SGCD: variants seen among roughly 807,000 people sequenced by gnomAD.
SGCD encodes the protein sarcoglycan delta.
A neutral mutation model predicts 36.6 loss-of-function variants in SGCD; 18 were observed. The observed-to-expected ratio is 0.49, with a 90% CI of 0.34 to 0.73. The LOEUF is 0.73. Ranked by LOEUF, SGCD falls within the 30% of genes least tolerant of loss-of-function variation. SGCD has a pLI of 0.01. For synonymous variants in SGCD, 133 were observed against 130.6 expected, an observed-to-expected ratio of 1.02 and a Z score of -0.12; for missense variants, 387 against 346.7, an observed-to-expected ratio of 1.12 and a Z score of -0.92.
At chr5:156,061,836 T>A (rs1189408129) in intron 1 of SGCD, among the ~76,000 whole-genome samples, 2 of 144,986 alleles carry the variant, frequency 1.4e-5, no homozygotes, top group Non-Finnish European at 3.1e-5. Flanking sequence ...TTCCTCCAAG[T>A]TACATTAATA....
chr5:156,120,655 A>G (rs1762015932), intron 2 of SGCD, among the ~76,000 whole-genome samples: 1 of 152,186 alleles, frequency 6.6e-6, no homozygotes, highest in Non-Finnish European at 1.5e-5. Flanking sequence ...AAGCATTGTA[A>G]CTATTTATTA....
rs556890124 is a variant in SGCD, at chr5:156,409,907, C to G, written c.192+65230C>G. On this transcript the variant is annotated intron_variant, in intron 3 of 8. Transcript: ENST00000337851. ...TTATTTTTCTTTCCTCCAGTCTTCT[C>G]CATCCAATACCACAGAAACCCTGTA... Among the ~76,000 whole-genome samples the G allele has an allele frequency of 1.4e-4, 22 of 152,218 alleles. No homozygotes were observed. In the South Asian group the frequency reaches 2.7e-3, roughly 19 times the overall value.
At chr5:155,866,680 A>G (rs1036643992), upstream of SGCD, among the ~76,000 whole-genome samples, 7 of 152,158 alleles carry the variant, frequency 4.6e-5, no homozygotes, top group African/African-American at 1.7e-4. Flanking sequence ...TTTCTCCTAC[A>G]CTGGTTCTTC....
chr5:156,718,297 T>A (rs1319207163), intron 7 of SGCD, among the ~76,000 whole-genome samples: 2 of 152,098 alleles, frequency 1.3e-5, no homozygotes, highest in Non-Finnish European at 2.9e-5. Flanking sequence ...TCAAGCTGAA[T>A]CCATTAGTAG....
chr5:156,132,561 T>C (rs1308518431), intron 3 of SGCD, among the ~76,000 whole-genome samples: 1 of 145,260 alleles, frequency 6.9e-6, no homozygotes, highest in Non-Finnish European at 1.5e-5. Context: ...CTCCGCCTCT[T>C]GGGTTCATGC....
intron 1 of SGCD, among the ~76,000 whole-genome samples, chr5:155,911,754 A>G (rs1217696180): frequency 2.6e-5 from 4 of 152,108 alleles, no homozygotes; most frequent in African/African-American, 4.8e-5. Flanking sequence ...AAAGTATTTC[A>G]TTGTCAAGGA....
In SGCD at chr5:156,694,621, T is replaced by C. The variant is rs192622188; in HGVS notation, c.575+47085T>C. ...CTTAAAACCAGACCCTGGTACTTTG[T>C]TTTTAAAGCTATTTCCTAAATACAA... On this transcript the variant is annotated intron_variant, in intron 7 of 8. Transcript: ENST00000337851. Among the ~76,000 whole-genome samples the C allele has an allele frequency of 1.8e-3, 277 of 152,320 alleles. 2 individuals are homozygous for C. Among genetic ancestry groups the C allele is most frequent in the African/African-American group, 6.2e-3 (256 of 41,574 alleles).
chr5:156,525,667 T>C (rs1295376467), intron 4 of SGCD, among the ~76,000 whole-genome samples: 1 of 152,094 alleles, frequency 6.6e-6, no homozygotes, highest in Non-Finnish European at 1.5e-5. Flanking sequence ...ACCAATGTCA[T>C]AGAGCTTTGC....
chr5:156,673,068 C>A (rs558724228), intron 7 of SGCD, among the ~76,000 whole-genome samples: 8 of 152,296 alleles, frequency 5.3e-5, no homozygotes, highest in African/African-American at 1.9e-4. Context: ...TGTCTTCCAC[C>A]TTTGCCATTG....
chr5:156,566,695 G>T (rs1759491753), intron 4 of SGCD, among the ~76,000 whole-genome samples: 1 of 151,966 alleles, frequency 6.6e-6, no homozygotes, highest in South Asian at 2.1e-4. Context: ...GACTTTCCAT[G>T]AATACATGAC....
chr5:155,784,460 C>T, the SGCD span, among the ~76,000 whole-genome samples: 435 of 152,114 alleles, frequency 2.9e-3, 2 homozygotes, highest in African/African-American at 9.3e-3. Flanking sequence ...TGAGGAGTCC[C>T]TGAGATATTT....
intron 6 of SGCD, among the ~76,000 whole-genome samples, chr5:156,606,060 T>C (rs530685125): frequency 6.6e-6 from 1 of 152,326 alleles, no homozygotes; most frequent in South Asian, 2.1e-4. Context: ...TTAGATCCCA[T>C]TTGTCAATTT....
At chr5:155,984,282 A>G (rs1219486245) in intron 1 of SGCD, among the ~76,000 whole-genome samples, 1 of 152,216 alleles carries the variant, frequency 6.6e-6, no homozygotes, top group African/African-American at 2.4e-5. Context: ...ACTGAGCCTT[A>G]GGATAAATCA....
At chr5:155,850,820 T>C in the SGCD span, among the ~76,000 whole-genome samples, 1 of 152,202 alleles carries the variant, frequency 6.6e-6, no homozygotes, top group Admixed American at 6.5e-5. Context: ...GATACAAAGA[T>C]GCATGAGACA....
the SGCD span, among the ~76,000 whole-genome samples, chr5:155,728,153 G>A: frequency 6.6e-6 from 1 of 152,108 alleles, no homozygotes; most frequent in Non-Finnish European, 1.5e-5. Context: ...TCTAACGCGC[G>A]ACTGTGCAGC....
At chr5:156,121,386 G>C (rs1353116503) in intron 2 of SGCD, among the ~76,000 whole-genome samples, 1 of 152,104 alleles carries the variant, frequency 6.6e-6, no homozygotes, top group African/African-American at 2.4e-5. Context: ...AAAGAAATAT[G>C]ATACTTAGAG....
intron 3 of SGCD, among the ~76,000 whole-genome samples, chr5:156,501,281 C>T (rs554059773): frequency 2.2e-4 from 33 of 152,248 alleles, no homozygotes; most frequent in Non-Finnish European, 4.0e-4. Context: ...TTATAAAAGA[C>T]AGGAAACCCC....
chr5:156,512,191 CAAAAAAAAAAAA>C (rs759345867), intron 4 of SGCD, among the ~76,000 whole-genome samples: 1 of 66,898 alleles, frequency 1.5e-5, no homozygotes, highest in Non-Finnish European at 2.8e-5. Context: ...GACTCTGTCT[CAAAAAAAAAAAA>C]AAAAAAAAAA....
At chr5:156,614,100 T>C (rs1227494896) in intron 6 of SGCD, among the ~76,000 whole-genome samples, 2 of 152,080 alleles carry the variant, frequency 1.3e-5, no homozygotes, top group Non-Finnish European at 2.9e-5. Flanking sequence ...GTACGCACCA[T>C]CACACCTGGC....
Sources: allele counts gnomAD v4.1 joint callset (sites outside exome capture counted in the v4.1 genomes callset), GRCh38; gene constraint gnomAD v4.1.1; transcripts MANE v1.5; gene names NCBI Gene and HGNC (gene_info 2026-07-23, HGNC 2026-07-21).